Variants in ARSL observed in about 807,000 individuals in gnomAD.
The protein encoded by ARSL is arylsulfatase E (chondrodysplasia punctata 1).
Under a neutral mutation model 31.1 loss-of-function variants are expected in ARSL, and 4 were observed. The ratio of observed to expected loss-of-function variants is 0.13; its 90% CI spans 0.06 to 0.29. ARSL has a LOEUF of 0.29. Ranked by LOEUF, ARSL falls within the 10% of genes least tolerant of loss-of-function variation. The pLI is 1.00. For missense variants in ARSL, 312 were observed against 497.8 expected (o/e 0.63, Z 3.55); for synonymous variants, 198 against 209.9 (o/e 0.94, Z 0.49).
chrX:2,952,926 G>T, intron 5 of ARSL: 1 of 334,746 alleles, frequency 3.0e-6, no homozygotes, highest in Non-Finnish European at 5.1e-6. Context: ...CAAAGTACTG[G>T]GATTATAGGC....
At chrX:2,964,917 C>T (rs887808215), upstream of ARSL, among the ~76,000 whole-genome samples, 1 of 110,659 alleles carries the variant, frequency 9.0e-6, no homozygotes, top group Non-Finnish European at 1.9e-5. Context: ...CCAGCCCGGG[C>T]ATCATAGCAA....
chrX:2,949,341 G>A lies in ARSL; in HGVS notation c.817C>T (p.Pro273Ser). 8.3e-7 allele frequency: 1 copy of A among 1,211,670 alleles called. No homozygotes were observed. The highest frequency in any genetic ancestry group is 1.1e-6 in the Non-Finnish European group (1 of 895,556). ...GACGCAACCTCCTGCAGAATAAGGG[G>A]TGTCGTTCTTTGGAAGCACATGGGC... ...EQPMCFQRTT[P>S]LILQEVASFL... The change falls in exon 6 of 11, where the codon CCC (proline) becomes TCC (serine). Residue 273 changes from proline (P) to serine (S), a missense_variant. Pro to Ser is a moderately conservative substitution (Grantham distance 74). Transcript: ENST00000381134.
intron 5 of ARSL, among the ~76,000 whole-genome samples, chrX:2,950,635 A>T (rs772547697): frequency 1.8e-5 from 2 of 111,624 alleles, no homozygotes; most frequent in Non-Finnish European, 3.8e-5. Flanking sequence ...TGCCGCCATG[A>T]AAGACATGCC....
intron 1 of ARSL, 191 bp from the exon 2 acceptor site, chrX:2,960,611 A>G: frequency 2.3e-6 from 1 of 432,475 alleles, no homozygotes; most frequent in Non-Finnish European, 4.0e-6. Context: ...AAAAATGTTT[A>G]ATACTATGTT....
At chrX:2,948,327 G>T (rs2089413215) in intron 6 of ARSL, among the ~76,000 whole-genome samples, 1 of 111,210 alleles carries the variant, frequency 9.0e-6, no homozygotes, top group Admixed American at 9.6e-5. Flanking sequence ...AAAATTGACC[G>T]CAGGCTGAAT....
At chrX:2,961,259 A>G (rs1296123141) in intron 1 of ARSL, among the ~76,000 whole-genome samples, 2 of 111,473 alleles carry the variant, frequency 1.8e-5, no homozygotes, top group Non-Finnish European at 3.8e-5. Flanking sequence ...GGGAGAGCCC[A>G]GGGTGTAGAG....
intron 7 of ARSL, among the ~76,000 whole-genome samples, chrX:2,943,921 T>C (rs751790660): frequency 9.0e-6 from 1 of 110,577 alleles, no homozygotes; most frequent in African/African-American, 3.3e-5. Context: ...GGCTCATGCC[T>C]GAAATCTCAG....
intron 6 of ARSL, 103 bp downstream of exon 6, chrX:2,949,201 G>C (rs891334517): frequency 1.9e-6 from 2 of 1,041,476 alleles, no homozygotes; most frequent in Non-Finnish European, 2.7e-6. Flanking sequence ...AAAGCACTGG[G>C]ATTACAGGAA....
At chrX:2,943,734 T>C (rs2089315427) in intron 7 of ARSL, among the ~76,000 whole-genome samples, 1 of 62,403 alleles carries the variant, frequency 1.6e-5, no homozygotes, top group African/African-American at 7.4e-5. Flanking sequence ...AGAGTGAGAC[T>C]CGGTCTCAAA....
chrX:2,953,149 G>A lies in ARSL; in HGVS notation c.424C>T (p.Leu142Phe). Residue 142 changes from leucine to phenylalanine, a missense_variant, in exon 5 of 11, where the codon CTC becomes TTC. Coordinates refer to ENST00000381134, the MANE Select transcript of ARSL (RefSeq NM_000047.3). Reference sequence around the variant, plus strand: ...CTTTTAAAAACGTACATACCAATGAGTCCAGTGGCATAGCCTTTCTCTTTC... The same window carrying A: ...CTTTTAAAAACGTACATACCAATGAATCCAGTGGCATAGCCTTTCTCTTTC... The part of the protein sequence containing the change: ...ILKEKGYATG[L>F]IGKWHLGLNC... 8.3e-7 allele frequency: 1 copy of A among 1,209,238 alleles called. No homozygotes were observed. The highest frequency in any genetic ancestry group is 1.1e-6 in the Non-Finnish European group (1 of 893,810).
rs368359145 is a variant in ARSL at position 2,949,646 on chromosome X, T to C, written c.512A>G (p.Tyr171Cys). The change falls in exon 6 of 11, where the codon TAC becomes TGC. Residue 171 changes from tyrosine to cysteine, a missense_variant. Coordinates refer to ENST00000381134, the MANE Select transcript of ARSL (RefSeq NM_000047.3). ...HPLHHGFDHF[Y>C]GMPFSLMGDC... ...ACCCATCAAGGAGAAAGGCATTCCG[T>C]AGAAATGGTCAAAGCCATGATGGAG... The C allele has an allele frequency of 8.8e-5, 106 of 1,209,540 alleles. No individual in the cohort carries two copies. Among genetic ancestry groups the C allele is most frequent in the Non-Finnish European group, 1.1e-4 (102 of 895,201 alleles).
intron 7 of ARSL, among the ~76,000 whole-genome samples, chrX:2,944,508 G>GT (rs200378682): frequency 0.015 from 1,598 of 106,626 alleles, 26 homozygotes; most frequent in African/African-American, 0.051. Context: ...GTGAGACCCT[G>GT]CCACACACAC....
At position 2,949,494 on chromosome X, in the gene ARSL, C is replaced by T. The variant is rs150444751; in HGVS notation, c.664G>A (p.Val222Ile). 159 of 1,209,047 alleles carry T rather than the reference C, an allele frequency of 1.3e-4. No individual in the cohort carries two copies. In the South Asian group the frequency reaches 1.4e-3, roughly 10 times the overall value. The change falls in exon 6 of 11, where the codon GTC (valine) becomes ATC (isoleucine). Residue 222 changes from valine to isoleucine, a missense_variant. Physicochemically the swap from Val to Ile is conservative, Grantham distance 29 (BLOSUM62 3). Coordinates refer to ENST00000381134, the MANE Select transcript of ARSL (RefSeq NM_000047.3). ...GACCAGATGACCGGCATCCACGAGA[C>T]GGGTATCAGGTGTGTGAGCTTCCCT... ...VAGKLTHLIP[V>I]SWMPVIWSAL...
At chrX:2,949,753 T>C (rs201367991) in intron 5 of ARSL, 26 bp from the exon 6 acceptor site, 2 of 1,197,457 alleles carry the variant, frequency 1.7e-6, no homozygotes, top group South Asian at 3.6e-5. Context: ...GATGTTGATG[T>C]GACAAGCATC....
rs1304381852 is a variant in ARSL at position 2,949,745 on chromosome X, T to G, written c.431-18A>C. 4.2e-6 allele frequency: 5 copies of G among 1,202,209 alleles called. No individual in the cohort carries two copies. Among genetic ancestry groups the G allele is most frequent in the Middle Eastern group, 2.3e-4 (1 of 4,345 alleles). On this transcript the variant is annotated intron_variant, in intron 5 of 10. Transcript: ENST00000381134. Reference sequence around the variant, plus strand: ...CCATTTTCCTGAGAGGCAAAAAGGATGTTGATGTGACAAGCATCTGAGCAT... The same window carrying G: ...CCATTTTCCTGAGAGGCAAAAAGGAGGTTGATGTGACAAGCATCTGAGCAT...
At chrX:2,963,283 T>C (rs937401135) in intron 1 of ARSL, among the ~76,000 whole-genome samples, 56 of 111,404 alleles carry the variant, frequency 5.0e-4, no homozygotes, top group African/African-American at 1.8e-3. Flanking sequence ...TGATTTAAAA[T>C]TGTACATGGA....
At chrX:2,945,846 G>C in intron 7 of ARSL, 152 bp downstream of exon 7, 1 of 735,026 alleles carries the variant, frequency 1.4e-6, no homozygotes, top group Non-Finnish European at 2.0e-6. Flanking sequence ...ATGCAGTGAA[G>C]ATCTGTGCTA....
chrX:2,968,047 T>G (rs1044722578), upstream of ARSL: 2 of 960,639 alleles, frequency 2.1e-6, no homozygotes, highest in Non-Finnish European at 2.8e-6. Flanking sequence ...TGACAGGGAC[T>G]TGTTTGAAAA....
At chrX:2,954,935 G>A (rs938357457) in intron 4 of ARSL, among the ~76,000 whole-genome samples, 6 of 111,808 alleles carry the variant, frequency 5.4e-5, no homozygotes, top group Non-Finnish European at 9.4e-5. Context: ...AATTTCCGTG[G>A]GCTTTCATCT....
Sources: allele counts gnomAD v4.1 joint callset (sites outside exome capture counted in the v4.1 genomes callset), GRCh38; gene constraint gnomAD v4.1.1; transcripts MANE v1.5; gene names NCBI Gene and HGNC (gene_info 2026-07-23, HGNC 2026-07-21).